ATP13A3: variants seen among roughly 807,000 people sequenced by gnomAD.
ATP13A3 encodes ATPase 13A3.
ATP13A3 carries 59 observed loss-of-function variants against 158.1 expected under a neutral mutation model. That is an observed-to-expected ratio of 0.37 (90% CI 0.30 to 0.46). The LOEUF (loss-of-function observed/expected upper bound fraction) is 0.46. Among genes scored for constraint, ATP13A3 ranks in the 20% least tolerant of loss-of-function variants. The probability of loss-of-function intolerance (pLI) is 1.00; values close to 1 mark genes in which losing one functional copy is unlikely to be tolerated. For synonymous variants in ATP13A3, 491 were observed against 504.3 expected, an observed-to-expected ratio of 0.97 and a Z score of 0.35; for missense variants, 1,166 against 1,525.2, an observed-to-expected ratio of 0.76 and a Z score of 3.92.
At chr3:194,443,421 A>C (rs1308090097) in intron 15 of ATP13A3, among the ~76,000 whole-genome samples, 1 of 152,204 alleles carries the variant, frequency 6.6e-6, no homozygotes, top group Non-Finnish European at 1.5e-5. Context: ...TTGGGGGAGC[A>C]ATGGTAGAAA....
In ATP13A3 at chr3:194,485,328, A is replaced by G. The variant is rs527420859; in HGVS notation, c.-47+466T>C. The stretch of plus-strand genomic sequence containing the variant: ...AAACCAGGATGAGATGCCCACACAC[A>G]TTGATTTTTGGCAACTGTAGTCTAT... On this transcript the variant is annotated intron_variant, in intron 2 of 33. Coordinates refer to ENST00000645319, the MANE Select transcript of ATP13A3 (RefSeq NM_001367549.1). 3.3e-5 allele frequency among the ~76,000 whole-genome samples: 5 copies of G among 152,306 alleles called. No individual in the cohort carries two copies. In the East Asian group the frequency reaches 7.7e-4, roughly 23 times the overall value.
chr3:194,413,879 G>A (rs761141590), intron 31 of ATP13A3, 40 bp from the exon 32 acceptor site: 1 of 1,522,998 alleles, frequency 6.6e-7, no homozygotes, highest in Non-Finnish European at 9.1e-7. Flanking sequence ...ATTGTTGTAT[G>A]TAGTCAATAT....
chr3:194,431,269 C>A, intron 22 of ATP13A3, 43 bp from the exon 23 acceptor site: 1 of 1,531,254 alleles, frequency 6.5e-7, no homozygotes, highest in Non-Finnish European at 8.9e-7. Context: ...GGCAACCAAA[C>A]CAAGTAAAAC....
At position 194,430,625 on chromosome 3, in the gene ATP13A3, C is replaced by T. The variant is rs1056583688; in HGVS notation, c.2625-310G>A. Among the ~76,000 whole-genome samples the T allele has an allele frequency of 3.9e-5, 6 of 152,096 alleles. No individual in the cohort carries two copies. In the South Asian group the frequency reaches 6.2e-4, roughly 16 times the overall value. ...CAGTCTTTAGTATGGCTACTTTTAA[C>T]GTTATCAGTAAAAATTTATCCCTTA... On this transcript the variant is annotated intron_variant, in intron 24 of 33. Coordinates refer to ENST00000645319, the MANE Select transcript of ATP13A3 (RefSeq NM_001367549.1).
intron 2 of ATP13A3, among the ~76,000 whole-genome samples, chr3:194,466,016 A>G (rs920529711): frequency 3.4e-4 from 52 of 152,240 alleles, no homozygotes; most frequent in Admixed American, 3.3e-3. Context: ...TAAAACACCA[A>G]TGGGTCAAAG....
intron 29 of ATP13A3, 28 bp downstream of exon 29, chr3:194,427,047 A>G (rs1354077608): frequency 1.3e-6 from 2 of 1,585,702 alleles, no homozygotes; most frequent in East Asian, 2.2e-5. Flanking sequence ...TATTTTATAT[A>G]GATTTTTACA....
At chr3:194,430,045 G>C in intron 26 of ATP13A3, 27 bp downstream of exon 26, 1 of 1,565,906 alleles carries the variant, frequency 6.4e-7, no homozygotes, top group Non-Finnish European at 8.7e-7. Context: ...GAGAAAAAGG[G>C]ATGAGAAAAA....
intron 20 of ATP13A3, among the ~76,000 whole-genome samples, chr3:194,435,520 AAG>A: frequency 6.6e-6 from 1 of 152,246 alleles, no homozygotes; most frequent in Non-Finnish European, 1.5e-5. Flanking sequence ...GGAGTAGAGA[AAG>A]AGAGGAAAGT....
rs59967046 is a variant in ATP13A3 at position 194,471,324 on chromosome 3, TAAAAAAAAAAAAAAAA to T, written c.-46-9104_-46-9089del. Among the ~76,000 whole-genome samples, 6 of 88,106 alleles carry T rather than the reference TAAAAAAAAAAAAAAAA, an allele frequency of 6.8e-5. No homozygotes were observed. The East Asian group carries it at 1.6e-3, about 23-fold the overall frequency. 57.8% of individuals were successfully genotyped at this position (88,106 alleles called of 152,430 possible). On this transcript the variant is annotated intron_variant, in intron 2 of 33. Coordinates refer to ENST00000645319, the MANE Select transcript of ATP13A3 (RefSeq NM_001367549.1). ...TACAGCGTTAAGTAGCAGCAAATTC[TAAAAAAAAAAAAAAAA>T]AAAAAAAGAAAAGAAAAGAAAAAGA...
At chr3:194,492,460 CT>C (rs35373585) in intron 2 of ATP13A3, among the ~76,000 whole-genome samples, 4,494 of 140,884 alleles carry the variant, frequency 0.032, 153 homozygotes, top group African/African-American at 0.096. Flanking sequence ...CTCCTGTGTA[CT>C]TTTTTTTTTT....
Position 194,450,115 on chromosome 3 carries a change from C to T in ATP13A3, c.970+30G>A, listed in dbSNP as rs377049641. The T allele has an allele frequency of 3.7e-5, 59 of 1,608,438 alleles. No individual in the cohort carries two copies. The African/African-American group carries it at 6.4e-4, about 18-fold the overall frequency. Reference sequence around the variant, plus strand: ...CTTAGTCATGATATATCATGAACAACTCATGTTGATATTTACTCATTTAGC... The same window carrying T: ...CTTAGTCATGATATATCATGAACAATTCATGTTGATATTTACTCATTTAGC... On this transcript the variant is annotated intron_variant, in intron 11 of 33. Coordinates refer to ENST00000645319, the MANE Select transcript of ATP13A3 (RefSeq NM_001367549.1).
intron 2 of ATP13A3, among the ~76,000 whole-genome samples, chr3:194,481,027 T>C (rs1463864593): frequency 6.6e-6 from 1 of 152,164 alleles, no homozygotes; most frequent in East Asian, 1.9e-4. Flanking sequence ...ACTGGTGCCT[T>C]TTTAAAAGAC....
chr3:194,479,442 A>C (rs2109054879), intron 2 of ATP13A3, among the ~76,000 whole-genome samples: 1 of 152,218 alleles, frequency 6.6e-6, no homozygotes, highest in Non-Finnish European at 1.5e-5. Flanking sequence ...GAAAATTAGA[A>C]ACATAAACAT....
upstream of ATP13A3, chr3:194,487,131 G>T (rs955548174): frequency 8.5e-5 from 13 of 152,252 alleles, 3 homozygotes; most frequent in Admixed American, 6.5e-5. Flanking sequence ...CCCACCCATC[G>T]CCTTTGCCAC....
chr3:194,488,623 G>A (rs1255256448), upstream of ATP13A3: 2 of 152,276 alleles, frequency 1.3e-5, no homozygotes, highest in East Asian at 1.9e-4. This position sits in a 1 kb window ranked among gnomAD's most constrained non-coding sequence, Gnocchi z 4.1. Flanking sequence ...TTATCTCTCT[G>A]GTTCTTTCTG....
intron 20 of ATP13A3, among the ~76,000 whole-genome samples, chr3:194,434,233 G>T (rs1385206894): frequency 1.3e-5 from 2 of 152,058 alleles, no homozygotes; most frequent in Non-Finnish European, 2.9e-5. Flanking sequence ...AAGTGAAAAA[G>T]AAAAAACTGT....
Position 194,441,422 on chromosome 3 carries a change from C to A in ATP13A3, c.1599G>T (p.Leu533Phe). The stretch of plus-strand genomic sequence containing the variant: ...TACAAGCAACAAACTGGGATTTTAC[C>A]AACATCTCATTGCACACATTTTCTT... ...SPEENVCNEM[L>F]VKSQFVACMA... The change falls in exon 16 of 34, where the codon TTG becomes TTT. Residue 533 changes from leucine to phenylalanine, a missense_variant. This residue lies in a region of ATP13A3 where 997 missense variants were observed against 1,341.2 expected (regional missense o/e 0.74). Transcript: ENST00000645319. 1 of 1,613,452 alleles carries A rather than the reference C, an allele frequency of 6.2e-7. No individual in the cohort carries two copies. Among genetic ancestry groups the A allele is most frequent in the East Asian group, 2.2e-5 (1 of 44,842 alleles).
intron 2 of ATP13A3, among the ~76,000 whole-genome samples, chr3:194,469,570 A>G (rs1577088455): frequency 6.6e-6 from 1 of 152,328 alleles, no homozygotes; most frequent in South Asian, 2.1e-4. Context: ...AGTTTTAAAA[A>G]TTAAAACTTC....
At chr3:194,454,653 C>T (rs11711805) in intron 8 of ATP13A3, among the ~76,000 whole-genome samples, 27,341 of 151,902 alleles carry the variant, frequency 0.18, 2,902 homozygotes, top group South Asian at 0.32. Context: ...CGGTGAAACC[C>T]TGTCTCTACT....
Sources: gnomAD v4.1 joint callset for allele counts (sites outside exome capture counted in the v4.1 genomes callset) on GRCh38, gnomAD v4.1.1 for gene constraint, gnomAD v4.1.1 regional missense constraint, Gnocchi (gnomAD v3.1) non-coding constraint, MANE v1.5 for transcripts, NCBI Gene and HGNC (gene_info 2026-07-23, HGNC 2026-07-21) for gene names.